Variants in KLHL3 observed in about 807,000 individuals in gnomAD.
The protein encoded by KLHL3 is kelch like family member 3, also known as kelch-like protein 3.
KLHL3 carries 19 observed loss-of-function variants against 70.5 expected under a neutral mutation model. The ratio of observed to expected loss-of-function variants is 0.27; its 90% CI spans 0.19 to 0.40. The LOEUF is 0.40. Among genes scored for constraint, KLHL3 ranks in the 10% least tolerant of loss-of-function variants. The pLI, the probability that KLHL3 is intolerant of heterozygous loss-of-function variation, is 1.00. For missense variants in KLHL3, 512 were observed against 771.1 expected (o/e 0.66, Z 3.98); for synonymous variants, 258 against 290.3 (o/e 0.89, Z 1.13).
intron 12 of KLHL3, 113 bp from the exon 13 acceptor site, chr5:137,628,550 C>G: frequency 2.6e-6 from 3 of 1,163,702 alleles, no homozygotes; most frequent in East Asian, 2.4e-5. Context: ...TTGGGGAGTG[C>G]CATTTTGTCT....
At chr5:137,626,026 G>A (rs2149876395) in intron 13 of KLHL3, 130 bp from the exon 14 acceptor site, 1 of 1,120,058 alleles carries the variant, frequency 8.9e-7, no homozygotes, top group Admixed American at 2.7e-5. Flanking sequence ...ACAGAGATTT[G>A]GCTCCACAGG....
chr5:137,691,167 T>C (rs1262045905), intron 5 of KLHL3, among the ~76,000 whole-genome samples: 4 of 152,228 alleles, frequency 2.6e-5, no homozygotes, highest in Non-Finnish European at 5.9e-5. Flanking sequence ...ATCTGATGTA[T>C]TGAGGACTGT....
rs2149874208 is a variant in KLHL3, at chr5:137,621,662, A to C, written c.*436T>G. ...TCCCCATGGGACAAATCCAGAAGAG[A>C]GGTCTCTGTGACTTGATTTTTAACA... On this transcript the variant is annotated 3_prime_UTR_variant, in exon 15 of 15. Coordinates refer to ENST00000309755, the MANE Select transcript of KLHL3 (RefSeq NM_017415.3). 1 of 166,962 alleles carries C rather than the reference A, an allele frequency of 6.0e-6. No individual in the cohort carries two copies. The highest frequency in any genetic ancestry group is 1.8e-4 in the South Asian group (1 of 5,484). The allele number at this position is 166,962 out of a possible 1,614,324, so 10.3% of individuals were successfully genotyped here. A position where few individuals can be genotyped will look rare whatever the true frequency, so the allele number is the denominator to read the frequency against.
chr5:137,707,727 T>C (rs974215848), intron 3 of KLHL3: 1 of 154,380 alleles, frequency 6.5e-6, no homozygotes, highest in Non-Finnish European at 1.5e-5. Context: ...CACTGCTTTC[T>C]TCTCTTGATT....
intron 4 of KLHL3, among the ~76,000 whole-genome samples, chr5:137,694,965 T>A (rs1314604103): frequency 6.6e-6 from 1 of 151,958 alleles, no homozygotes; most frequent in Non-Finnish European, 1.5e-5. Context: ...CCACCCACCA[T>A]CCAAGAGGAT....
intron 8 of KLHL3, among the ~76,000 whole-genome samples, chr5:137,654,391 T>A (rs1468384584): frequency 6.6e-6 from 1 of 152,230 alleles, no homozygotes; most frequent in Non-Finnish European, 1.5e-5. Flanking sequence ...GCTCTGCACT[T>A]AGCCAGTACT....
chr5:137,680,822 G>T (rs1407970965), intron 5 of KLHL3, among the ~76,000 whole-genome samples: 1 of 152,116 alleles, frequency 6.6e-6, no homozygotes, highest in Non-Finnish European at 1.5e-5. Context: ...GGGATTACAG[G>T]TGTGAGCCAC....
intron 6 of KLHL3, among the ~76,000 whole-genome samples, chr5:137,668,061 A>C (rs1751656329): frequency 6.6e-6 from 1 of 152,106 alleles, no homozygotes; most frequent in Non-Finnish European, 1.5e-5. Flanking sequence ...AACTCCAAAA[A>C]CCCATGCTCA....
intron 3 of KLHL3, among the ~76,000 whole-genome samples, chr5:137,709,382 C>T (rs190158144): frequency 9.5e-4 from 145 of 152,358 alleles, no homozygotes; most frequent in Admixed American, 3.0e-3. Flanking sequence ...GGTCTCTTCC[C>T]TTGTCTCAGC....
intron 1 of KLHL3, among the ~76,000 whole-genome samples, chr5:137,731,936 T>C (rs72800092): frequency 0.014 from 2,069 of 152,208 alleles, 25 homozygotes; most frequent in Non-Finnish European, 0.022. Context: ...CCACCACCCA[T>C]CTCCAGAATT....
intron 11 of KLHL3, 84 bp from the exon 12 acceptor site, chr5:137,634,249 C>G (rs1409766393): frequency 6.9e-7 from 1 of 1,442,076 alleles, no homozygotes; most frequent in Non-Finnish European, 9.3e-7. Context: ...CTGCAACCAA[C>G]TGGGGCACCC....
intron 2 of KLHL3, among the ~76,000 whole-genome samples, chr5:137,714,754 T>A (rs545170006): frequency 6.6e-6 from 1 of 152,318 alleles, no homozygotes; most frequent in East Asian, 1.9e-4. Flanking sequence ...GCCATTAAAT[T>A]GTAACTTTAA....
In KLHL3 at chr5:137,735,974, C is replaced by A. The variant is rs1405847727; in HGVS notation, c.-328G>T. 1 of 439,474 alleles carries A rather than the reference C, an allele frequency of 2.3e-6. No individual in the cohort carries two copies. The highest frequency in any genetic ancestry group is 4.3e-6 in the Non-Finnish European group (1 of 234,796). 27.2% of individuals were successfully genotyped at this position (439,474 alleles called of 1,614,324 possible). ...CTCCTAGGAACGGCGGCAGCTCCAG[C>A]GACCCAGGTGCACTGCCACCTTTCC... is the stretch of plus-strand genomic sequence containing the variant. On this transcript the variant is annotated 5_prime_UTR_variant, in exon 1 of 15. Coordinates refer to ENST00000309755, the MANE Select transcript of KLHL3 (RefSeq NM_017415.3).
intron 3 of KLHL3, among the ~76,000 whole-genome samples, chr5:137,698,913 T>C (rs1752507702): frequency 6.6e-6 from 1 of 152,216 alleles, no homozygotes; most frequent in African/African-American, 2.4e-5. Flanking sequence ...CACTTTAAAG[T>C]CTTTTAATCC....
chr5:137,731,871 A>C (rs1163831218), intron 1 of KLHL3, among the ~76,000 whole-genome samples: 1 of 152,188 alleles, frequency 6.6e-6, no homozygotes, highest in Non-Finnish European at 1.5e-5. Context: ...GATGTAACAT[A>C]AAATGTATAA....
intron 6 of KLHL3, among the ~76,000 whole-genome samples, chr5:137,664,741 C>G (rs1751570949): frequency 6.6e-6 from 1 of 151,956 alleles, no homozygotes; most frequent in Admixed American, 6.6e-5. Flanking sequence ...TCACTTGGTC[C>G]CAGGAGGTGG....
intron 8 of KLHL3, among the ~76,000 whole-genome samples, chr5:137,643,837 C>T (rs910794795): frequency 6.6e-6 from 1 of 152,100 alleles, no homozygotes; most frequent in Non-Finnish European, 1.5e-5. Flanking sequence ...AGGTATTCCT[C>T]CTCTCTAACT....
At chr5:137,709,512 G>A (rs1752752408) in intron 3 of KLHL3, among the ~76,000 whole-genome samples, 1 of 152,214 alleles carries the variant, frequency 6.6e-6, no homozygotes, top group Non-Finnish European at 1.5e-5. Flanking sequence ...GAGAACTAAT[G>A]GGCTATGTGA....
At chr5:137,628,670 A>T in intron 12 of KLHL3, 1 of 393,718 alleles carries the variant, frequency 2.5e-6, no homozygotes. Flanking sequence ...ATGTGACCCA[A>T]ATTCTGTTTT....
Sources: allele counts gnomAD v4.1 joint callset (sites outside exome capture counted in the v4.1 genomes callset), GRCh38; gene constraint gnomAD v4.1.1; transcripts MANE v1.5; gene names NCBI Gene and HGNC (gene_info 2026-07-23, HGNC 2026-07-21).